Variants in CNTN6 observed in about 807,000 individuals in gnomAD.
CNTN6 encodes the protein contactin-6.
A neutral mutation model predicts 122.8 loss-of-function variants in CNTN6; 137 were observed. The ratio of observed to expected loss-of-function variants is 1.12; its 90% confidence interval spans 0.97 to 1.29. The LOEUF (loss-of-function observed/expected upper bound fraction) is 1.29, where lower values mean the gene tolerates loss of function less well. CNTN6 is among the 50% of genes most tolerant of loss of function. CNTN6 has a pLI of 0.00. For synonymous variants in CNTN6, 570 were observed against 426.0 expected, an observed-to-expected ratio of 1.34 and a Z score of -4.16; for missense variants, 1,634 against 1,223.4, an observed-to-expected ratio of 1.34 and a Z score of -5.01.
chr3:1,296,764 C>G (rs1696305924), intron 6 of CNTN6, among the ~76,000 whole-genome samples: 1 of 152,070 alleles, frequency 6.6e-6, no homozygotes, highest in Non-Finnish European at 1.5e-5. Context: ...ATTCCTAAGT[C>G]CAATTTATCT....
chr3:1,185,747 T>C (rs1445339068), intron 2 of CNTN6, among the ~76,000 whole-genome samples: 1 of 152,174 alleles, frequency 6.6e-6, no homozygotes, highest in African/African-American at 2.4e-5. Context: ...CTCTGTAAGC[T>C]TGAATAAATT....
At chr3:1,328,773 A>T (rs1263441874) in intron 10 of CNTN6, among the ~76,000 whole-genome samples, 2 of 151,660 alleles carry the variant, frequency 1.3e-5, no homozygotes, top group East Asian at 2.0e-4. Flanking sequence ...ACCCGAAAGA[A>T]CTTCAGTTCA....
intron 4 of CNTN6, among the ~76,000 whole-genome samples, chr3:1,276,466 A>G (rs1411581182): frequency 6.6e-6 from 1 of 152,138 alleles, no homozygotes; most frequent in Non-Finnish European, 1.5e-5. Flanking sequence ...TTTTATTTGT[A>G]TTTTAAATTT....
At chr3:1,224,232 A>C (rs945931573) in intron 3 of CNTN6, among the ~76,000 whole-genome samples, 1 of 152,080 alleles carries the variant, frequency 6.6e-6, no homozygotes, top group African/African-American at 2.4e-5. Flanking sequence ...ATAGAAGTAG[A>C]GTGTAGAATG....
intron 1 of CNTN6, among the ~76,000 whole-genome samples, chr3:1,137,605 C>G (rs986736548): frequency 1.3e-5 from 2 of 152,052 alleles, no homozygotes; most frequent in South Asian, 4.2e-4. Context: ...TATTCCTAGT[C>G]AGAGAGAACT....
At chr3:1,374,613 G>T (rs1339794653) in intron 16 of CNTN6, among the ~76,000 whole-genome samples, 1 of 152,026 alleles carries the variant, frequency 6.6e-6, no homozygotes, top group Admixed American at 6.6e-5. Context: ...CAAGAACCTG[G>T]ATCAGATACC....
chr3:1,395,287 T>A (rs1164084724), intron 20 of CNTN6, among the ~76,000 whole-genome samples: 1 of 152,214 alleles, frequency 6.6e-6, no homozygotes, highest in East Asian at 1.9e-4. Context: ...TAAAACAATA[T>A]AAGTTGCTTA....
intron 2 of CNTN6, among the ~76,000 whole-genome samples, chr3:1,194,459 A>G (rs1032023134): frequency 6.6e-6 from 1 of 152,236 alleles, no homozygotes; most frequent in South Asian, 2.1e-4. Context: ...TTTACATATA[A>G]ATCAGAAAAA....
chr3:1,268,036 C>T (rs2094954295), intron 4 of CNTN6, among the ~76,000 whole-genome samples: 1 of 152,170 alleles, frequency 6.6e-6, no homozygotes, highest in Admixed American at 6.5e-5. Context: ...TCCCAAGAAG[C>T]ACAAATTGCC....
chr3:1,148,113 G>T, intron 2 of CNTN6, 50 bp downstream of exon 2: 2 of 1,430,454 alleles, frequency 1.4e-6, no homozygotes, highest in East Asian at 2.3e-5. Context: ...TATTGGCATT[G>T]TATTTCTTTC....
intron 12 of CNTN6, among the ~76,000 whole-genome samples, chr3:1,371,849 C>T (rs778420631): frequency 7.2e-5 from 11 of 152,166 alleles, no homozygotes; most frequent in African/African-American, 2.2e-4. Flanking sequence ...TAAATATAAA[C>T]GTATGTCTAA....
intron 7 of CNTN6, among the ~76,000 whole-genome samples, chr3:1,310,621 G>A (rs1168075833): frequency 1.3e-5 from 2 of 151,978 alleles, no homozygotes. Context: ...TGGTAATTTG[G>A]CCTCATAGAG....
chr3:1,108,877 C>G lies in CNTN6; in HGVS notation c.-83+15757C>G, dbSNP rs946308204. On this transcript the variant is annotated intron_variant, in intron 1 of 22. Coordinates refer to ENST00000446702, the MANE Select transcript of CNTN6 (RefSeq NM_001289080.2). ...TTCTTAGGTTTTTCTTGTTAAGGAC[C>G]TACTGTTGATTTGTCAGACTGTTTA... 1.8e-4 allele frequency among the ~76,000 whole-genome samples: 27 copies of G among 151,742 alleles called. 1 individual carries two copies. The highest frequency in any genetic ancestry group is 4.2e-4 in the South Asian group (2 of 4,808).
chr3:1,262,456 T>G (rs907384187), intron 4 of CNTN6, among the ~76,000 whole-genome samples: 2 of 152,118 alleles, frequency 1.3e-5, no homozygotes, highest in African/African-American at 4.8e-5. Context: ...GTCCTTCCTG[T>G]TCCCAGATAT....
Position 1,156,615 on chromosome 3 carries a change from T to TTTTCTTTTC in CNTN6, c.55+8559_55+8560insTCTTTCTTT, listed in dbSNP as rs1553609719. Among the ~76,000 whole-genome samples, 149 of 150,956 alleles carry TTTTCTTTTC rather than the reference T, an allele frequency of 9.9e-4. 1 individual carries two copies. Among genetic ancestry groups the TTTTCTTTTC allele is most frequent in the African/African-American group, 3.4e-3 (139 of 40,924 alleles). ...GACTTTCTTTCTTTCTTTCTTTTTC[T>TTTTCTTTTC]TTTCTTTCTTTCTTTCTCTTTCTTT... On this transcript the variant is annotated intron_variant, in intron 2 of 22. Coordinates refer to ENST00000446702, the MANE Select transcript of CNTN6 (RefSeq NM_001289080.2).
intron 7 of CNTN6, among the ~76,000 whole-genome samples, chr3:1,299,151 C>T (rs1015489654): frequency 6.6e-6 from 1 of 152,066 alleles, no homozygotes; most frequent in Non-Finnish European, 1.5e-5. Context: ...GGTCTCATAG[C>T]ATTTATCAAA....
intron 5 of CNTN6, among the ~76,000 whole-genome samples, chr3:1,283,994 C>A (rs543516950): frequency 6.6e-6 from 1 of 152,058 alleles, no homozygotes; most frequent in Non-Finnish European, 1.5e-5. Flanking sequence ...AGTGAGATTT[C>A]ATCTCAAAAA....
chr3:1,309,149 T>C (rs1036435105), intron 7 of CNTN6, among the ~76,000 whole-genome samples: 1 of 139,508 alleles, frequency 7.2e-6, no homozygotes, highest in Non-Finnish European at 1.5e-5. Flanking sequence ...GATGTGCAGG[T>C]TATCAATTTT....
At chr3:1,252,044 G>A (rs1433166914) in intron 4 of CNTN6, among the ~76,000 whole-genome samples, 2 of 152,110 alleles carry the variant, frequency 1.3e-5, no homozygotes, top group Admixed American at 1.3e-4. Context: ...CACAACAAAG[G>A]CAGCCTCTTT....
Sources: allele counts gnomAD v4.1 joint callset (sites outside exome capture counted in the v4.1 genomes callset), GRCh38; gene constraint gnomAD v4.1.1; transcripts MANE v1.5; gene names NCBI Gene and HGNC (gene_info 2026-07-23, HGNC 2026-07-21).